The following MYZAP variants were observed in gnomAD, a reference collection of about 807,000 sequenced individuals.
MYZAP encodes the protein GRINL1A complex locus upstream.
Under a neutral mutation model 69.4 loss-of-function variants are expected in MYZAP, and 66 were observed. The ratio of observed to expected loss-of-function variants is 0.95; its 90% confidence interval spans 0.78 to 1.17. The LOEUF (loss-of-function observed/expected upper bound fraction) is 1.17, where lower values mean the gene tolerates loss of function less well. MYZAP is among the 50% of genes most tolerant of loss of function. The pLI is 0.00. For synonymous variants in MYZAP, 256 were observed against 205.9 expected (o/e 1.24, Z -2.09); for missense variants, 611 against 556.2 (o/e 1.10, Z -0.99).
intron 12 of MYZAP, among the ~76,000 whole-genome samples, chr15:57,676,289 C>G (rs1364397807): frequency 6.6e-6 from 1 of 151,602 alleles, no homozygotes; most frequent in South Asian, 2.1e-4. Flanking sequence ...AAAGAATTTA[C>G]CAAAAGCGGC....
At chr15:57,666,584 A>G (rs1208403722) in intron 11 of MYZAP, among the ~76,000 whole-genome samples, 2 of 152,126 alleles carry the variant, frequency 1.3e-5, no homozygotes, top group Non-Finnish European at 2.9e-5. Context: ...CCAATTTAAA[A>G]TCTTCCTGAT....
At chr15:57,604,924 T>C (rs2034651381) in intron 2 of MYZAP, among the ~76,000 whole-genome samples, 1 of 152,206 alleles carries the variant, frequency 6.6e-6, no homozygotes, top group African/African-American at 2.4e-5. Flanking sequence ...ATTTGCAGTT[T>C]TCTGGGTGAG....
intron 4 of MYZAP, among the ~76,000 whole-genome samples, chr15:57,625,508 T>C (rs1415784143): frequency 6.6e-6 from 1 of 152,174 alleles, no homozygotes; most frequent in Non-Finnish European, 1.5e-5. Context: ...CTTCTCTGAT[T>C]GTTTTCTTCC....
At chr15:57,596,610 C>CTAGT (rs527596606) in intron 1 of MYZAP, among the ~76,000 whole-genome samples, 21 of 152,280 alleles carry the variant, frequency 1.4e-4, no homozygotes, top group Admixed American at 9.1e-4. Flanking sequence ...AATGCTAAAT[C>CTAGT]TAGTCTCCTG....
chr15:57,650,842 C>T (rs969896199), intron 10 of MYZAP, among the ~76,000 whole-genome samples: 1 of 152,164 alleles, frequency 6.6e-6, no homozygotes, highest in Non-Finnish European at 1.5e-5. Context: ...AAAGCAAAAA[C>T]ATGCAGACCA....
chr15:57,680,159 C>T (rs527952564), intron 12 of MYZAP, among the ~76,000 whole-genome samples: 101 of 152,280 alleles, frequency 6.6e-4, no homozygotes, highest in African/African-American at 2.3e-3. Flanking sequence ...TGGCTGCAGC[C>T]ACTGCTTTCC....
At chr15:57,597,429 C>T (rs1237584522) in intron 1 of MYZAP, among the ~76,000 whole-genome samples, 2 of 152,190 alleles carry the variant, frequency 1.3e-5, no homozygotes, top group African/African-American at 2.4e-5. Flanking sequence ...AGCATTACTC[C>T]CTTCTATAGC....
Position 57,612,801 on chromosome 15 carries a change from A to G in MYZAP, c.163-5232A>G, listed in dbSNP as rs185483242. On this transcript the variant is annotated intron_variant, in intron 2 of 12. Coordinates refer to ENST00000267853, the MANE Select transcript of MYZAP (RefSeq NM_001018100.5). ...AGTATGGGGCCTGTAGGTAGAATTT[A>G]TGCTGTGAGTACTCACAGGAAACAG... 4.0e-3 allele frequency among the ~76,000 whole-genome samples: 610 copies of G among 152,316 alleles called. 5 individuals are homozygous for G. The highest frequency in any genetic ancestry group is 0.014 in the African/African-American group (579 of 41,554).
rs2033831534 is a variant in MYZAP at position 57,593,212 on chromosome 15, A to ACACC, written c.75+1105_75+1108dup. 5.6e-5 allele frequency among the ~76,000 whole-genome samples: 7 copies of ACACC among 124,908 alleles called. No homozygotes were observed. The South Asian group carries it at 1.8e-3, about 32-fold the overall frequency. The allele number at this position is 124,908 out of a possible 152,430, so 81.9% of individuals were successfully genotyped here. On this transcript the variant is annotated intron_variant, in intron 1 of 12. Transcript: ENST00000267853. ...CGCACACACACACACACACACACACACACCCCAGAATCCATCAGTTGGCTC... is the reference window on the plus strand; with the variant it reads ...CGCACACACACACACACACACACACACACCCACCCCAGAATCCATCAGTTGGCTC...
intron 2 of MYZAP, among the ~76,000 whole-genome samples, chr15:57,605,058 G>T (rs1243278125): frequency 2.6e-5 from 4 of 152,166 alleles, no homozygotes; most frequent in Non-Finnish European, 5.9e-5. Context: ...AGGATAAAGA[G>T]GAGGTCCTGC....
At chr15:57,674,859 G>C (rs1437716687) in intron 11 of MYZAP, 109 bp from the exon 12 acceptor site, 1 of 850,628 alleles carries the variant, frequency 1.2e-6, no homozygotes, top group African/African-American at 1.7e-5. Context: ...CATTGTGATA[G>C]TTGCCCATGT....
chr15:57,593,710 G>A (rs1225208903), intron 1 of MYZAP, among the ~76,000 whole-genome samples: 1 of 152,182 alleles, frequency 6.6e-6, no homozygotes, highest in African/African-American at 2.4e-5. Context: ...ATTTTGGACT[G>A]GAGAACTCAG....
chr15:57,655,535 T>C (rs2037970960), intron 10 of MYZAP, among the ~76,000 whole-genome samples: 1 of 152,074 alleles, frequency 6.6e-6, no homozygotes, highest in African/African-American at 2.4e-5. Flanking sequence ...AGCGTGTGGC[T>C]ATGGTTAAGG....
At chr15:57,601,882 C>T (rs2034438138) in intron 1 of MYZAP, among the ~76,000 whole-genome samples, 1 of 152,142 alleles carries the variant, frequency 6.6e-6, no homozygotes, top group Non-Finnish European at 1.5e-5. Context: ...CTGGTGTAAG[C>T]TCAGATCAGC....
intron 6 of MYZAP, among the ~76,000 whole-genome samples, chr15:57,630,408 C>T (rs192653562): frequency 3.3e-5 from 5 of 152,288 alleles, no homozygotes; most frequent in East Asian, 1.9e-4. Flanking sequence ...AGATCTGGGA[C>T]GTCAGAAGCC....
chr15:57,612,049 A>G (rs72743516), intron 2 of MYZAP, among the ~76,000 whole-genome samples: 14,607 of 152,264 alleles, frequency 0.096, 845 homozygotes, highest in Admixed American at 0.14. Context: ...ACCTGGGCCA[A>G]ATAATTTGCT....
At chr15:57,649,301 C>T (rs1316657913) in intron 10 of MYZAP, among the ~76,000 whole-genome samples, 6 of 152,198 alleles carry the variant, frequency 3.9e-5, no homozygotes, top group Non-Finnish European at 2.9e-5. Flanking sequence ...CCACAGTGCA[C>T]ATACCTTTCC....
intron 11 of MYZAP, 23 bp from the exon 12 acceptor site, chr15:57,674,943 AAG>A: frequency 6.3e-7 from 1 of 1,595,140 alleles, no homozygotes; most frequent in South Asian, 1.1e-5. Flanking sequence ...GACTTACTGA[AAG>A]TACCTTTTTT....
At chr15:57,641,020 C>T (rs903764846) in intron 10 of MYZAP, among the ~76,000 whole-genome samples, 8 of 152,152 alleles carry the variant, frequency 5.3e-5, no homozygotes, top group Non-Finnish European at 1.2e-4. Flanking sequence ...CATAGTTTTT[C>T]TGCTTTTGAA....
Sources: allele counts gnomAD v4.1 joint callset (sites outside exome capture counted in the v4.1 genomes callset), GRCh38; gene constraint gnomAD v4.1.1; transcripts MANE v1.5; gene names NCBI Gene and HGNC (gene_info 2026-07-23, HGNC 2026-07-21).